Variants in MEFV observed in about 807,000 individuals in gnomAD.
MEFV encodes the protein MEFV innate immunity regulator, pyrin.
A neutral mutation model predicts 62.5 loss-of-function variants in MEFV; 60 were observed. The observed-to-expected ratio is 0.96, with a 90% confidence interval of 0.78 to 1.19. MEFV has a LOEUF of 1.19. MEFV is among the 50% of genes most tolerant of loss of function. The probability of loss-of-function intolerance (pLI) is 0.00; values close to 1 mark genes in which losing one functional copy is unlikely to be tolerated. For synonymous variants in MEFV, 500 were observed against 415.2 expected (o/e 1.20, Z -2.48); for missense variants, 1,169 against 1,004.5 (o/e 1.16, Z -2.21).
chr16:3,254,872 CT>C, intron 1 of MEFV, 82 bp from the exon 2 acceptor site: 1 of 1,596,296 alleles, frequency 6.3e-7, no homozygotes, highest in Non-Finnish European at 8.5e-7. Flanking sequence ...AGAGAATCCC[CT>C]TGGATATTAA....
At chr16:3,253,313 T>C (rs1488886082) in intron 2 of MEFV, among the ~76,000 whole-genome samples, 2 of 152,100 alleles carry the variant, frequency 1.3e-5, no homozygotes, top group African/African-American at 4.8e-5. Flanking sequence ...AGAAGCATGC[T>C]GGGGACAGCG....
chr16:3,245,579 A>G (rs1464476976), intron 6 of MEFV, among the ~76,000 whole-genome samples: 2 of 152,116 alleles, frequency 1.3e-5, no homozygotes, highest in South Asian at 2.1e-4. Context: ...GGTTGTAGTG[A>G]GCCAAGATCG....
intron 2 of MEFV, among the ~76,000 whole-genome samples, chr16:3,252,618 C>T (rs1336210222): frequency 1.3e-5 from 2 of 151,804 alleles, no homozygotes; most frequent in Non-Finnish European, 2.9e-5. Context: ...TGTGATTTCT[C>T]CTCTCCAGCC....
At chr16:3,256,209 C>T in intron 1 of MEFV, 102 bp downstream of exon 1, 1 of 1,388,288 alleles carries the variant, frequency 7.2e-7, no homozygotes, top group Non-Finnish European at 1.0e-6. Flanking sequence ...CTGAGACTCC[C>T]AATCCCCAGG....
At chr16:3,245,642 A>AGAG (rs553089553) in intron 6 of MEFV, among the ~76,000 whole-genome samples, 3 of 151,324 alleles carry the variant, frequency 2.0e-5, no homozygotes, top group East Asian at 1.9e-4. Flanking sequence ...TTCAAAAAAA[A>AGAG]AGAGAGAGAG....
intron 2 of MEFV, among the ~76,000 whole-genome samples, chr16:3,251,196 C>T (rs1463730228): frequency 2.0e-5 from 3 of 152,090 alleles, no homozygotes; most frequent in Non-Finnish European, 2.9e-5. Flanking sequence ...TAATTGTCCA[C>T]GTTTCCCTGT....
chr16:3,249,718 C>A lies in MEFV; in HGVS notation c.973G>T (p.Gly325Cys). The change falls in exon 3 of 10, where the codon GGT becomes TGT. Residue 325 changes from glycine to cysteine, a missense_variant. By Grantham distance (159) the Gly-to-Cys change is radical. Transcript: ENST00000219596. ...CHAQEGDPVDGTCVRDSCSFP... is the reference protein window; with the variant it reads ...CHAQEGDPVDCTCVRDSCSFP... Reference sequence around the variant, plus strand: ...CTGCAGGAATCACGCACACAGGTACCGTCAACTGGGTCTCCTTCCTGGGCG... The same window carrying A: ...CTGCAGGAATCACGCACACAGGTACAGTCAACTGGGTCTCCTTCCTGGGCG... 1 of 1,614,006 alleles carries A rather than the reference C, an allele frequency of 6.2e-7. No homozygotes were observed. The highest frequency in any genetic ancestry group is 8.5e-7 in the Non-Finnish European group (1 of 1,179,912).
chr16:3,245,799 A>G (rs992663902), intron 6 of MEFV, among the ~76,000 whole-genome samples: 1 of 152,176 alleles, frequency 6.6e-6, no homozygotes, highest in African/African-American at 2.4e-5. Context: ...CAGGATAACC[A>G]CATGGTCCCG....
In MEFV at chr16:3,243,846, A is replaced by T; in HGVS notation, c.1792+14T>A. 6.2e-7 allele frequency: 1 copy of T among 1,613,776 alleles called. No homozygotes were observed. Among genetic ancestry groups the T allele is most frequent in the Non-Finnish European group, 8.5e-7 (1 of 1,179,856 alleles). ...CAGCAGGCCAGGGCCACTTGCCTTG[A>T]TCTGGGCACTTACCAGCATGTGCCT... On this transcript the variant is annotated intron_variant, in intron 9 of 9. Coordinates refer to ENST00000219596, the MANE Select transcript of MEFV (RefSeq NM_000243.3).
rs976384120 is a variant in MEFV at position 3,244,256 on chromosome 16, T to C, written c.1757A>G (p.Asn586Ser). 3.1e-6 allele frequency: 5 copies of C among 1,613,886 alleles called. No individual in the cohort carries two copies. Among genetic ancestry groups the C allele is most frequent in the Non-Finnish European group, 4.2e-6 (5 of 1,179,944 alleles). ...ETLRSEMEMF[N>S]VPELIGAQAH... The stretch of plus-strand genomic sequence containing the variant: ...CACACCATTACCGCTGGACTCACCA[T>C]TGAACATTTCCATTTCTGAACGCAG... Residue 586 changes from asparagine to serine, a missense_variant and splice_region_variant, in exon 8 of 10, where the codon AAT becomes AGT. Physicochemically the swap from Asn to Ser is conservative, Grantham distance 46 (BLOSUM62 1). Coordinates refer to ENST00000219596, the MANE Select transcript of MEFV (RefSeq NM_000243.3).
At position 3,254,553 on chromosome 16, in the gene MEFV, T is replaced by A. The variant is rs104895211; in HGVS notation, c.515A>T (p.Gln172Leu). The A allele has an allele frequency of 6.4e-7, 1 of 1,559,722 alleles. No homozygotes were observed. Among genetic ancestry groups the A allele is most frequent in the Middle Eastern group, 2.1e-4 (1 of 4,854 alleles). Residue 172 changes from glutamine to leucine, a missense_variant, in exon 2 of 10, where the codon CAG (glutamine) becomes CTG (leucine). Physicochemically the swap from Gln to Leu is moderately radical, Grantham distance 113. Transcript: ENST00000219596. ...CGGGCTCCGGGTCCGAGGCTTGCCC[T>A]GCGCGTCCAGGCCCTCCGAGGCCTT... Reference protein sequence around the residue: ...REKASEGLDAQGKPRTRSPAL... With the variant: ...REKASEGLDALGKPRTRSPAL...
rs1958987121 is a variant in MEFV, at chr16:3,248,920, C to T, written c.1345G>A (p.Val449Met). The T allele has an allele frequency of 6.2e-7, 1 of 1,614,148 alleles. No homozygotes were observed. Among genetic ancestry groups the T allele is most frequent in the Non-Finnish European group, 8.5e-7 (1 of 1,179,974 alleles). Residue 449 changes from valine to methionine, a missense_variant, in exon 4 of 10, where the codon GTG (valine) becomes ATG (methionine). Val to Met is a conservative substitution (Grantham distance 21). Transcript: ENST00000219596. ...ACCTCTGACCTTACCAGAAAGCTCA[C>T]TGCCTTCTCCTCCCCATAGGATCGC... ...EQRSYGEEKA[V>M]SFLKQTEALK... is the part of the protein sequence containing the mutation.
rs1234329505 is a variant in MEFV, at chr16:3,256,437, C to A, written c.151G>T (p.Val51Leu). Residue 51 changes from valine to leucine, a missense_variant, in exon 1 of 10, where the codon GTG becomes TTG. By Grantham distance (32) the Val-to-Leu change is conservative. Transcript: ENST00000219596. ...PRSQIQRARP[V>L]KMATLLVTYY... ...GTGACCAGCAGAGTGGCCATCTTCA[C>A]CGGCCTGGCTCTCTGGATCTGGCTC... The A allele has an allele frequency of 1.2e-6, 2 of 1,614,242 alleles. No homozygotes were observed. The highest frequency in any genetic ancestry group is 1.7e-6 in the Non-Finnish European group (2 of 1,180,050).
At position 3,249,479 on chromosome 16, in the gene MEFV, G is replaced by A. The variant is rs561866815; in HGVS notation, c.1212C>T (p.His404=). ...CAATGGGGCGCACCCGGTGGCCTTG[G>A]TGCTCCTGACTCAGACTGCAGATGA... ...ICLICSLSQE[H]QGHRVRPIEE... is the part of the protein sequence containing the mutation. Residue 404 remains histidine, a synonymous_variant, in exon 3 of 10, where the codon CAC becomes CAT. Coordinates refer to ENST00000219596, the MANE Select transcript of MEFV (RefSeq NM_000243.3). 1.9e-6 allele frequency: 3 copies of A among 1,614,182 alleles called. No individual in the cohort carries two copies. Among genetic ancestry groups the A allele is most frequent in the Non-Finnish European group, 1.7e-6 (2 of 1,180,040 alleles).
chr16:3,250,756 T>C (rs1172865092), intron 2 of MEFV, among the ~76,000 whole-genome samples: 1 of 151,054 alleles, frequency 6.6e-6, no homozygotes, highest in Non-Finnish European at 1.5e-5. Flanking sequence ...CCGAGCGCAG[T>C]GGCTCACGCC....
At chr16:3,247,514 T>G (rs907836413) in intron 4 of MEFV, 2 of 512,814 alleles carry the variant, frequency 3.9e-6, no homozygotes, top group Admixed American at 6.5e-5. Flanking sequence ...GTTGAAGCCC[T>G]AACCCCCAGT....
intron 6 of MEFV, 110 bp downstream of exon 6, chr16:3,246,415 T>G: frequency 7.7e-7 from 1 of 1,290,822 alleles, no homozygotes; most frequent in Non-Finnish European, 1.1e-6. Flanking sequence ...GAGTCTGGAA[T>G]CACAGACCCC....
intron 8 of MEFV, 123 bp downstream of exon 8, chr16:3,244,131 C>T (rs1281221039): frequency 3.8e-6 from 6 of 1,560,384 alleles, no homozygotes; most frequent in Non-Finnish European, 5.2e-6. Context: ...TGACCTTTCT[C>T]CTACCTTTGC....
Position 3,254,596 on chromosome 16 carries a change from G to C in MEFV, c.472C>G (p.Leu158Val). The C allele has an allele frequency of 6.3e-7, 1 of 1,596,962 alleles. No individual in the cohort carries two copies. Residue 158 changes from leucine to valine, a missense_variant, in exon 2 of 10, where the codon CTG (leucine) becomes GTG (valine). Leu to Val is a conservative substitution (Grantham distance 32). Transcript: ENST00000219596. ...EAGRGLSRKP[L>V]SKRREKASEG... Reference sequence around the variant, plus strand: ...GAGGCCTTCTCTCTGCGTTTGCTCAGGGGCTTCCTCGACAGCCCCCTCCCG... The same window carrying C: ...GAGGCCTTCTCTCTGCGTTTGCTCACGGGCTTCCTCGACAGCCCCCTCCCG...
Sources: allele counts gnomAD v4.1 joint callset (sites outside exome capture counted in the v4.1 genomes callset), GRCh38; gene constraint gnomAD v4.1.1; transcripts MANE v1.5; gene names NCBI Gene and HGNC (gene_info 2026-07-23, HGNC 2026-07-21).